The following STAT5B variants were observed in gnomAD, a reference collection of about 807,000 sequenced individuals.
STAT5B encodes the protein transcription factor STAT5B.
STAT5B carries 21 observed loss-of-function variants against 107.8 expected under a neutral mutation model. That is an observed-to-expected ratio of 0.19 (90% CI 0.14 to 0.28). The LOEUF is 0.28. Ranked by LOEUF, STAT5B falls within the 10% of genes least tolerant of loss-of-function variation. The probability of loss-of-function intolerance (pLI) is 1.00; values close to 1 mark genes in which losing one functional copy is unlikely to be tolerated. For missense variants in STAT5B, 565 were observed against 1,008.2 expected (o/e 0.56, Z 5.95); for synonymous variants, 325 against 401.7 (o/e 0.81, Z 2.28).
chr17:42,263,168 TTATTA>T (rs1177645715), intron 1 of STAT5B, among the ~76,000 whole-genome samples: 1 of 149,990 alleles, frequency 6.7e-6, no homozygotes, highest in Non-Finnish European at 1.5e-5. Flanking sequence ...CCCTAACAAT[TTATTA>T]TATTATATAA....
At chr17:42,226,847 G>A (rs768570435) in intron 3 of STAT5B, among the ~76,000 whole-genome samples, 2 of 148,440 alleles carry the variant, frequency 1.3e-5, no homozygotes, top group African/African-American at 2.5e-5. Flanking sequence ...CAGAGGGACC[G>A]GGCATAGTGG....
At chr17:42,208,748 T>C (rs955977183) in intron 15 of STAT5B, among the ~76,000 whole-genome samples, 1 of 151,892 alleles carries the variant, frequency 6.6e-6, no homozygotes, top group Admixed American at 6.6e-5. Flanking sequence ...TTTTTTTTTT[T>C]CGAGATGGAG....
intron 1 of STAT5B, among the ~76,000 whole-genome samples, chr17:42,256,598 G>A (rs1292741603): frequency 1.3e-5 from 2 of 152,006 alleles, no homozygotes; most frequent in Non-Finnish European, 2.9e-5. Flanking sequence ...AGTGGCTCAC[G>A]CCTGTAATCC....
intron 16 of STAT5B, among the ~76,000 whole-genome samples, chr17:42,204,718 A>G (rs1449189647): frequency 1.3e-5 from 2 of 152,222 alleles, no homozygotes; most frequent in East Asian, 3.8e-4. Flanking sequence ...GGGCTCAACC[A>G]ATCTTCCAGC....
chr17:42,225,810 A>G (rs2080268279), intron 3 of STAT5B, among the ~76,000 whole-genome samples: 1 of 152,180 alleles, frequency 6.6e-6, no homozygotes, highest in South Asian at 2.1e-4. Flanking sequence ...ACCCATGGAC[A>G]TGGACAGCCA....
intron 1 of STAT5B, among the ~76,000 whole-genome samples, chr17:42,241,658 G>T (rs1431467041): frequency 6.6e-6 from 1 of 152,066 alleles, no homozygotes; most frequent in Non-Finnish European, 1.5e-5. Flanking sequence ...GGCCAGGCTG[G>T]TCTTGAACTC....
At chr17:42,202,479 C>T in intron 17 of STAT5B, 32 bp from the exon 18 acceptor site, 1 of 1,610,180 alleles carries the variant, frequency 6.2e-7, no homozygotes. Flanking sequence ...GCTTCAGCTG[C>T]CAGGGAGGCC....
intron 1 of STAT5B, chr17:42,275,516 C>T (rs1397440458): frequency 6.6e-6 from 1 of 152,440 alleles, no homozygotes; most frequent in African/African-American, 2.4e-5. Context: ...TGCCAGATTC[C>T]TTTAGCCTCA....
intron 5 of STAT5B, among the ~76,000 whole-genome samples, chr17:42,221,966 T>TGTGTGGTGTGTGTGTGCTGTGTGTG (rs1210899470): frequency 7.0e-6 from 1 of 142,790 alleles, no homozygotes; most frequent in Non-Finnish European, 1.5e-5. Context: ...GTGTGTGCTA[T>TGTGTGGTGTGTGTGTGCTGTGTGTG]GTGTGGTGTG....
At chr17:42,287,252 G>C in the STAT5B span, among the ~76,000 whole-genome samples, 1 of 151,966 alleles carries the variant, frequency 6.6e-6, no homozygotes, top group Non-Finnish European at 1.5e-5. Flanking sequence ...AGGTAGTAAG[G>C]GGCAAGAAAG....
upstream of STAT5B, among the ~76,000 whole-genome samples, chr17:42,277,509 C>G (rs2080775365): frequency 6.6e-6 from 1 of 152,138 alleles, no homozygotes; most frequent in Non-Finnish European, 1.5e-5. Flanking sequence ...TCCAGCTGGT[C>G]AAAAAACCCT....
intron 1 of STAT5B, among the ~76,000 whole-genome samples, chr17:42,245,926 T>C (rs1208254092): frequency 6.6e-6 from 1 of 152,164 alleles, no homozygotes; most frequent in Non-Finnish European, 1.5e-5. Context: ...CCCAAACTGC[T>C]GGGATTACAG....
At chr17:42,203,139 C>T (rs891998371) in intron 16 of STAT5B, among the ~76,000 whole-genome samples, 1 of 152,022 alleles carries the variant, frequency 6.6e-6, no homozygotes, top group Non-Finnish European at 1.5e-5. Context: ...TGGGGTTTCA[C>T]CATGTCACCC....
At chr17:42,264,391 T>C (rs1447307238) in intron 1 of STAT5B, among the ~76,000 whole-genome samples, 1 of 124,066 alleles carries the variant, frequency 8.1e-6, no homozygotes, top group Non-Finnish European at 1.6e-5. Flanking sequence ...CAGAGTGTGA[T>C]GTTCCCCTTC....
At chr17:42,269,534 G>A (rs1364780574) in intron 1 of STAT5B, 2 of 152,172 alleles carry the variant, frequency 1.3e-5, no homozygotes, top group African/African-American at 4.8e-5. Context: ...CAAACATAAG[G>A]AAATTCTGAG....
chr17:42,211,923 TC>T, intron 13 of STAT5B, 60 bp downstream of exon 13: 3 of 1,559,628 alleles, frequency 1.9e-6, no homozygotes, highest in Non-Finnish European at 2.6e-6. Context: ...GCAGGGAGAC[TC>T]CTGAGAGCAT....
At chr17:42,249,357 C>A (rs781210693) in intron 1 of STAT5B, among the ~76,000 whole-genome samples, 23 of 152,044 alleles carry the variant, frequency 1.5e-4, no homozygotes, top group Non-Finnish European at 2.5e-4. Context: ...TGCACCACTG[C>A]ACTCCAGCCT....
At chr17:42,260,093 C>A (rs1307374186) in intron 1 of STAT5B, among the ~76,000 whole-genome samples, 3 of 152,226 alleles carry the variant, frequency 2.0e-5, no homozygotes, top group African/African-American at 7.2e-5. Flanking sequence ...TACCTAAGCA[C>A]TTGAAATGTA....
Position 42,210,403 on chromosome 17 carries a change from C to T in STAT5B, c.1775G>A (p.Gly592Glu). The T allele has an allele frequency of 6.2e-7, 1 of 1,614,018 alleles. No homozygotes were observed. The highest frequency in any genetic ancestry group is 8.5e-7 in the Non-Finnish European group (1 of 1,179,932). ...KKHLKPHWND[G>E]AILGFVNKQQ... The stretch of plus-strand genomic sequence containing the variant: ...CGCCTTAAGAAATAATGATTCTCAC[C>T]CATCATTCCAATGAGGCTTGAGATG... Residue 592 changes from glycine (G) to glutamate (E), a missense_variant and splice_region_variant, in exon 14 of 19, where the codon GGG (glycine) becomes GAG (glutamate). Around this residue, in one of 11 missense-constraint regions of STAT5B, gnomAD observed 127 missense variants for 215.8 expected, o/e 0.59. Transcript: ENST00000293328.
Sources: allele counts gnomAD v4.1 joint callset (sites outside exome capture counted in the v4.1 genomes callset), GRCh38; gene constraint gnomAD v4.1.1; regional missense constraint gnomAD v4.1.1; transcripts MANE v1.5; gene names NCBI Gene and HGNC (gene_info 2026-07-23, HGNC 2026-07-21).